RARS2: variants seen among roughly 807,000 people sequenced by gnomAD.
RARS2 encodes the protein arginyl-tRNA synthetase 2, mitochondrial.
In RARS2, 67 loss-of-function variants were observed where a neutral mutation model predicts 88.5. The ratio of observed to expected loss-of-function variants is 0.76; its 90% CI spans 0.62 to 0.93. The LOEUF (loss-of-function observed/expected upper bound fraction) is 0.93. RARS2 is among the 40% of genes least tolerant of loss of function. The probability of loss-of-function intolerance (pLI) is 0.00; values close to 1 mark genes in which losing one functional copy is unlikely to be tolerated. For missense variants in RARS2, 664 were observed against 684.2 expected (o/e 0.97, Z 0.33); for synonymous variants, 239 against 230.3 (o/e 1.04, Z -0.34).
intron 7 of RARS2, among the ~76,000 whole-genome samples, 190 bp from the exon 8 acceptor site, chr6:87,542,184 T>C (rs1781210526): frequency 6.6e-6 from 1 of 152,226 alleles, no homozygotes; most frequent in Admixed American, 6.5e-5. Flanking sequence ...TATTTAATCA[T>C]AAATTCAACA....
chr6:87,542,133 C>T (rs939743571), intron 7 of RARS2, 139 bp from the exon 8 acceptor site: 4 of 656,422 alleles, frequency 6.1e-6, no homozygotes, highest in Non-Finnish European at 1.1e-5. Flanking sequence ...CACACTTTTA[C>T]CTTCTATGAC....
intron 1 of RARS2, among the ~76,000 whole-genome samples, chr6:87,577,103 G>C (rs1771811239): frequency 6.6e-6 from 1 of 152,210 alleles, no homozygotes. Context: ...CTACGCATTT[G>C]CATCCATGGT....
At chr6:87,559,980 T>A (rs1787339392) in intron 4 of RARS2, among the ~76,000 whole-genome samples, 1 of 152,254 alleles carries the variant, frequency 6.6e-6, no homozygotes, top group Non-Finnish European at 1.5e-5. Context: ...GTATTTTACA[T>A]GATGCACAAG....
chr6:87,582,199 C>G (rs1773780709), intron 1 of RARS2, among the ~76,000 whole-genome samples: 1 of 152,196 alleles, frequency 6.6e-6, no homozygotes, highest in African/African-American at 2.4e-5. Flanking sequence ...TCCACAATGG[C>G]TGAACTAATT....
In RARS2 at chr6:87,569,610, A is replaced by G; in HGVS notation, c.37-20T>C. 1 of 1,560,168 alleles carries G rather than the reference A, an allele frequency of 6.4e-7. No homozygotes were observed. The highest frequency in any genetic ancestry group is 1.1e-5 in the South Asian group (1 of 89,916). ...GGAAAGCTAAAAATCAAAAAGAACA[A>G]AACAGTGTAAGATTGTTCACATATT... On this transcript the variant is annotated intron_variant, in intron 1 of 19. Coordinates refer to ENST00000369536, the MANE Select transcript of RARS2 (RefSeq NM_020320.5).
At chr6:87,560,009 G>A (rs567547581) in intron 4 of RARS2, among the ~76,000 whole-genome samples, 4 of 152,340 alleles carry the variant, frequency 2.6e-5, no homozygotes, top group South Asian at 2.1e-4. Flanking sequence ...CTAGGTCCGT[G>A]TAGTCGGTTT....
chr6:87,550,319 C>G (rs968985762), intron 5 of RARS2, among the ~76,000 whole-genome samples: 14 of 152,100 alleles, frequency 9.2e-5, no homozygotes, highest in Non-Finnish European at 1.5e-5. Flanking sequence ...GAAGAGCAAA[C>G]AAGGGGAGTC....
At chr6:87,541,160 C>T (rs555846949) in intron 8 of RARS2, among the ~76,000 whole-genome samples, 3 of 152,180 alleles carry the variant, frequency 2.0e-5, no homozygotes, top group African/African-American at 7.2e-5. Context: ...ATAAAAATAA[C>T]CTAGTAAAAT....
chr6:87,530,405 T>C (rs977398502), intron 9 of RARS2, among the ~76,000 whole-genome samples: 12 of 152,222 alleles, frequency 7.9e-5, no homozygotes, highest in Admixed American at 6.5e-4. Context: ...GAATATAAGG[T>C]CTGCGAGAAC....
chr6:87,558,721 CA>C lies in RARS2; in HGVS notation c.298-3217del, dbSNP rs1234640585. Among the ~76,000 whole-genome samples, 3 of 152,186 alleles carry C rather than the reference CA, an allele frequency of 2.0e-5. No individual in the cohort carries two copies. In the East Asian group the frequency reaches 5.8e-4, roughly 29 times the overall value. On this transcript the variant is annotated intron_variant, in intron 4 of 19. Transcript: ENST00000369536. Reference sequence around the variant, plus strand: ...AAACCTACTAGGCTAGGCTGCCAGTCAAATAAAAGTATAGCACATACAATTA... The same window carrying C: ...AAACCTACTAGGCTAGGCTGCCAGTCAATAAAAGTATAGCACATACAATTA...
chr6:87,589,949 G>T lies in RARS2; in HGVS notation c.9C>A (p.Cys3Ter), dbSNP rs762495974. 13 of 1,609,598 alleles carry T rather than the reference G, an allele frequency of 8.1e-6. No individual in the cohort carries two copies. Among genetic ancestry groups the T allele is most frequent in the Middle Eastern group, 1.8e-4 (1 of 5,554 alleles). Residue 3 changes from cysteine (C) to a stop codon, truncating the protein, a stop_gained, in exon 1 of 20, where the codon TGC becomes TGA. Transcript: ENST00000369536. LOFTEE classifies it high-confidence loss of function. MA[C>*]GFRRAIACQL... ...GGCAAGCAATAGCGCGGCGAAAGCC[G>T]CACGCCATGTCCACCTCTACGGAAG...
chr6:87,536,693 G>C (rs997701501), intron 8 of RARS2, among the ~76,000 whole-genome samples: 1 of 151,600 alleles, frequency 6.6e-6, no homozygotes, highest in Non-Finnish European at 1.5e-5. Context: ...AAGTGGAAAG[G>C]CTTTTTGATA....
intron 8 of RARS2, among the ~76,000 whole-genome samples, chr6:87,531,923 A>G (rs2128068438): frequency 6.6e-6 from 1 of 152,376 alleles, no homozygotes; most frequent in African/African-American, 2.4e-5. Context: ...GAAAGCTATT[A>G]AAGTCTCATG....
chr6:87,527,941 A>T lies in RARS2; in HGVS notation c.878+1601T>A, dbSNP rs578066544. 5.4e-4 allele frequency among the ~76,000 whole-genome samples: 82 copies of T among 152,276 alleles called. 1 individual carries two copies. Among genetic ancestry groups the T allele is most frequent in the Middle Eastern group, 3.4e-3 (1 of 294 alleles). On this transcript the variant is annotated intron_variant, in intron 10 of 19. Coordinates refer to ENST00000369536, the MANE Select transcript of RARS2 (RefSeq NM_020320.5). ...ATGGGGAGGCGGGAGAGCATCAGGA[A>T]AAATAGGTAATGGATGCTGGGCTTA...
At chr6:87,526,735 A>G (rs140548112) in intron 10 of RARS2, among the ~76,000 whole-genome samples, 190 of 151,150 alleles carry the variant, frequency 1.3e-3, no homozygotes, top group African/African-American at 4.0e-3. Context: ...CAATGGCTCA[A>G]TCGTGGCTCA....
chr6:87,556,643 T>C (rs1562192167), intron 4 of RARS2, among the ~76,000 whole-genome samples: 1 of 151,332 alleles, frequency 6.6e-6, no homozygotes, highest in Non-Finnish European at 1.5e-5. Context: ...TAAAAAAAAA[T>C]TAACCAGACA....
In RARS2 at chr6:87,521,524, T is replaced by A. The variant is rs1217456928; in HGVS notation, c.975A>T (p.Arg325Ser). ...RSDGTSLYAT[R>S]DLAAAIDRMD... ...TTCGATCTATAGCAGCTGCAAGATCTCTGAAACAAAGTGGCCATAAACCAA... is the reference window on the plus strand; with the variant it reads ...TTCGATCTATAGCAGCTGCAAGATCACTGAAACAAAGTGGCCATAAACCAA... Residue 325 changes from arginine to serine, a missense_variant and splice_region_variant, in exon 12 of 20, where the codon AGA (arginine) becomes AGT (serine). Physicochemically the swap from Arg to Ser is moderately radical, Grantham distance 110. Coordinates refer to ENST00000369536, the MANE Select transcript of RARS2 (RefSeq NM_020320.5). The A allele has an allele frequency of 2.5e-6, 4 of 1,611,878 alleles. No individual in the cohort carries two copies. In the African/African-American group the frequency reaches 5.3e-5, roughly 22 times the overall value.
intron 4 of RARS2, among the ~76,000 whole-genome samples, chr6:87,560,918 G>A (rs1168913445): frequency 6.6e-6 from 1 of 152,104 alleles, no homozygotes; most frequent in Non-Finnish European, 1.5e-5. Flanking sequence ...ACCATCATCT[G>A]AGACCTAAAA....
At chr6:87,554,976 C>A (rs1247594252) in intron 5 of RARS2, among the ~76,000 whole-genome samples, 1 of 151,810 alleles carries the variant, frequency 6.6e-6, no homozygotes, top group Non-Finnish European at 1.5e-5. Flanking sequence ...TGGTGGCGGG[C>A]GCCTGTAGTC....
Sources: gnomAD v4.1 joint callset for allele counts (sites outside exome capture counted in the v4.1 genomes callset) on GRCh38, gnomAD v4.1.1 for gene constraint, MANE v1.5 for transcripts, NCBI Gene and HGNC (gene_info 2026-07-23, HGNC 2026-07-21) for gene names.